Variants in VPS13B observed in about 807,000 individuals in gnomAD.
VPS13B encodes intermembrane lipid transfer protein VPS13B.
VPS13B carries 285 observed loss-of-function variants against 426.4 expected under a neutral mutation model. The ratio of observed to expected loss-of-function variants is 0.67; its 90% CI spans 0.61 to 0.74. VPS13B has a LOEUF of 0.74. VPS13B is among the 30% of genes least tolerant of loss of function. The pLI is 0.00. For synonymous variants in VPS13B, 1,676 were observed against 1,676.4 expected (o/e 1.00, Z 0.01); for missense variants, 4,537 against 4,782.6 (o/e 0.95, Z 1.51).
At chr8:99,751,742 A>G (rs1404461813) in intron 39 of VPS13B, among the ~76,000 whole-genome samples, 2 of 152,184 alleles carry the variant, frequency 1.3e-5, no homozygotes, top group Non-Finnish European at 2.9e-5. Context: ...AGAATTGTGA[A>G]AAGTTAGAGT....
intron 33 of VPS13B, among the ~76,000 whole-genome samples, chr8:99,584,966 A>G (rs1362944281): frequency 6.6e-6 from 1 of 152,222 alleles, no homozygotes; most frequent in African/African-American, 2.4e-5. Context: ...TGCAGAGATT[A>G]TATAGCTTTA....
At chr8:99,680,650 G>A (rs977043759) in intron 35 of VPS13B, among the ~76,000 whole-genome samples, 6 of 152,092 alleles carry the variant, frequency 3.9e-5, no homozygotes, top group Non-Finnish European at 5.9e-5. Flanking sequence ...TGACTCAGCT[G>A]GGAGATTCTC....
chr8:99,671,613 A>C (rs888123099), intron 35 of VPS13B, among the ~76,000 whole-genome samples: 1 of 152,092 alleles, frequency 6.6e-6, no homozygotes, highest in East Asian at 1.9e-4. Flanking sequence ...GTCTTACTAC[A>C]TTTAAGTCTT....
chr8:99,252,388 A>T (rs1817549579), intron 17 of VPS13B, among the ~76,000 whole-genome samples: 1 of 151,980 alleles, frequency 6.6e-6, no homozygotes, highest in Non-Finnish European at 1.5e-5. Flanking sequence ...TTGATTTCTA[A>T]TTTGAATCTA....
chr8:99,498,292 A>G (rs576684589), intron 25 of VPS13B, among the ~76,000 whole-genome samples: 2 of 152,242 alleles, frequency 1.3e-5, no homozygotes, highest in Non-Finnish European at 2.9e-5. Context: ...ATTTTTAAAC[A>G]TTTTACTATT....
At chr8:99,136,598 A>T (rs187477721) in intron 11 of VPS13B, 67 bp from the exon 12 acceptor site, 6 of 1,505,098 alleles carry the variant, frequency 4.0e-6, no homozygotes, top group Non-Finnish European at 5.5e-6. Flanking sequence ...TGTCTAACCT[A>T]TCAAGCTTTA....
At chr8:99,493,941 T>C (rs1339303398) in intron 25 of VPS13B, among the ~76,000 whole-genome samples, 1 of 152,042 alleles carries the variant, frequency 6.6e-6, no homozygotes, top group Non-Finnish European at 1.5e-5. Flanking sequence ...ATAGCTTTGT[T>C]CCTAGAAATT....
In VPS13B at chr8:99,744,153, G is replaced by A. The variant is rs1291854680; in HGVS notation, c.7051-22621G>A. On this transcript the variant is annotated intron_variant, in intron 39 of 61. Coordinates refer to ENST00000357162, the MANE Select transcript of VPS13B (RefSeq NM_152564.5). ...AGAAAAAAAACCCATCAAAAAGTGG[G>A]TGAAGGATATGAACAGACGCTTCTC... 2.6e-5 allele frequency among the ~76,000 whole-genome samples: 4 copies of A among 152,268 alleles called. 1 individual carries two copies. Among genetic ancestry groups the A allele is most frequent in the Admixed American group, 2.0e-4 (3 of 15,272 alleles).
At chr8:99,711,945 G>T (rs1393318609) in intron 36 of VPS13B, among the ~76,000 whole-genome samples, 1 of 152,160 alleles carries the variant, frequency 6.6e-6, no homozygotes, top group African/African-American at 2.4e-5. Flanking sequence ...CAGAAGCATG[G>T]TAATAGCACT....
chr8:99,654,721 A>G (rs996073332), intron 34 of VPS13B, among the ~76,000 whole-genome samples: 16 of 152,186 alleles, frequency 1.1e-4, no homozygotes, highest in African/African-American at 3.1e-4. Context: ...AATTTCATAG[A>G]TAGCCACAAA....
At chr8:99,271,550 G>A (rs1563639376) in intron 17 of VPS13B, among the ~76,000 whole-genome samples, 1 of 152,134 alleles carries the variant, frequency 6.6e-6, no homozygotes, top group Non-Finnish European at 1.5e-5. Context: ...TTAGCAAATT[G>A]ATAGCTCCGA....
intron 14 of VPS13B, among the ~76,000 whole-genome samples, chr8:99,148,287 C>G (rs568866837): frequency 1.3e-5 from 2 of 150,768 alleles, no homozygotes; most frequent in Non-Finnish European, 3.0e-5. Flanking sequence ...TTGCTTGAGC[C>G]CAGAAGTTTG....
intron 2 of VPS13B, among the ~76,000 whole-genome samples, chr8:99,031,948 T>A (rs1221931762): frequency 6.6e-6 from 1 of 152,244 alleles, no homozygotes; most frequent in Non-Finnish European, 1.5e-5. Flanking sequence ...GTGGATCAAA[T>A]GCGAATTCTC....
At chr8:99,403,464 G>A (rs950830007) in intron 21 of VPS13B, among the ~76,000 whole-genome samples, 4 of 150,856 alleles carry the variant, frequency 2.7e-5, no homozygotes, top group African/African-American at 4.9e-5. Flanking sequence ...CAGGAGAATC[G>A]CTCGAACCCG....
chr8:99,829,852 C>G (rs1201044797), intron 51 of VPS13B, among the ~76,000 whole-genome samples: 1 of 152,220 alleles, frequency 6.6e-6, no homozygotes, highest in African/African-American at 2.4e-5. Flanking sequence ...AACAATCAGG[C>G]CCCTCTTCTG....
intron 23 of VPS13B, among the ~76,000 whole-genome samples, chr8:99,444,344 G>T (rs192718652): frequency 1.3e-5 from 2 of 152,030 alleles, no homozygotes; most frequent in Admixed American, 6.6e-5. Context: ...TGATCCACCC[G>T]CCTTGGTCTC....
chr8:99,603,153 G>A (rs1827401885), intron 33 of VPS13B, among the ~76,000 whole-genome samples: 1 of 152,164 alleles, frequency 6.6e-6, no homozygotes, highest in Non-Finnish European at 1.5e-5. Flanking sequence ...AATTAGTGGA[G>A]AATTGTATGT....
At chr8:99,090,949 T>G (rs1846109352) in intron 3 of VPS13B, among the ~76,000 whole-genome samples, 1 of 151,990 alleles carries the variant, frequency 6.6e-6, no homozygotes, top group Admixed American at 6.6e-5. Context: ...TTAAAAAAAG[T>G]GGGAGAGGGA....
chr8:99,658,945 A>G (rs1830119278), intron 34 of VPS13B, among the ~76,000 whole-genome samples: 1 of 152,128 alleles, frequency 6.6e-6, no homozygotes, highest in South Asian at 2.1e-4. Context: ...CCTCTCAAGT[A>G]GCTGCTACTA....
Sources: gnomAD v4.1 joint callset for allele counts (sites outside exome capture counted in the v4.1 genomes callset) on GRCh38, gnomAD v4.1.1 for gene constraint, MANE v1.5 for transcripts, NCBI Gene and HGNC (gene_info 2026-07-23, HGNC 2026-07-21) for gene names.